The following ITPR2 variants were observed in gnomAD, a reference collection of about 807,000 sequenced individuals.
ITPR2 encodes inositol 1,4,5-trisphosphate receptor type 2.
In ITPR2, 207 loss-of-function variants were observed where a neutral mutation model predicts 317.1. The ratio of observed to expected loss-of-function variants is 0.65; its 90% CI spans 0.58 to 0.73. The LOEUF (loss-of-function observed/expected upper bound fraction) is 0.73. Among genes scored for constraint, ITPR2 ranks in the 30% least tolerant of loss-of-function variants. The pLI is 0.00. For synonymous variants in ITPR2, 1,156 were observed against 1,149.1 expected (o/e 1.01, Z -0.12); for missense variants, 2,613 against 3,284.0 (o/e 0.80, Z 4.99).
At chr12:26,392,897 T>C (rs1939890369) in intron 54 of ITPR2, among the ~76,000 whole-genome samples, 1 of 152,224 alleles carries the variant, frequency 6.6e-6, no homozygotes, top group African/African-American at 2.4e-5. Flanking sequence ...CATCTCTTTC[T>C]TACTGGATCT....
rs1016913473 is a variant in ITPR2, at chr12:26,833,098, GCTC to G, written c.-320_-318del. 313 of 316,210 alleles carry G rather than the reference GCTC, an allele frequency of 9.9e-4. No homozygotes were observed. The highest frequency in any genetic ancestry group is 1.7e-3 in the South Asian group (44 of 25,916). The allele number at this position is 316,210 out of a possible 1,614,324, so 19.6% of individuals were successfully genotyped here. On this transcript the variant is annotated 5_prime_UTR_variant, in exon 1 of 57. Transcript: ENST00000381340. The stretch of plus-strand genomic sequence containing the variant: ...CTGAAGTTTTCTCTCCAACACCTTT[GCTC>G]CTCCTCCTCCTCCTTCCCTCTCCGC...
intron 43 of ITPR2, 48 bp from the exon 44 acceptor site, chr12:26,477,055 A>AT (rs1942434332): frequency 8.4e-7 from 1 of 1,193,340 alleles, no homozygotes. Context: ...TATTTCATGG[A>AT]TTAACGATTT....
intron 13 of ITPR2, among the ~76,000 whole-genome samples, chr12:26,671,977 A>T (rs544424620): frequency 3.8e-4 from 58 of 152,188 alleles, no homozygotes; most frequent in African/African-American, 1.3e-3. Flanking sequence ...TGGTAAAGGG[A>T]TCAATTCAAC....
chr12:26,412,686 C>T (rs1447236308), intron 51 of ITPR2, among the ~76,000 whole-genome samples: 3 of 151,998 alleles, frequency 2.0e-5, no homozygotes, highest in Non-Finnish European at 4.4e-5. Context: ...GAAAAAAACC[C>T]AGAAAGCTTT....
At chr12:26,810,408 C>T (rs1451826699) in intron 1 of ITPR2, among the ~76,000 whole-genome samples, 1 of 152,186 alleles carries the variant, frequency 6.6e-6, no homozygotes, top group Non-Finnish European at 1.5e-5. Flanking sequence ...TGGGGACTCA[C>T]TATTATCCCT....
At chr12:26,818,860 T>A (rs1291289402) in intron 1 of ITPR2, among the ~76,000 whole-genome samples, 1 of 152,244 alleles carries the variant, frequency 6.6e-6, no homozygotes, top group African/African-American at 2.4e-5. Context: ...ACACAGTAAC[T>A]GTTCCTTAAA....
At chr12:26,608,423 G>T (rs1347655373) in intron 26 of ITPR2, among the ~76,000 whole-genome samples, 1 of 152,088 alleles carries the variant, frequency 6.6e-6, no homozygotes, top group African/African-American at 2.4e-5. Flanking sequence ...CGTCTGGGAA[G>T]TGAGGAGCAC....
intron 13 of ITPR2, among the ~76,000 whole-genome samples, chr12:26,675,988 T>C (rs555175491): frequency 9.8e-4 from 149 of 151,740 alleles, no homozygotes; most frequent in African/African-American, 3.5e-3. Context: ...TGAAACCCCA[T>C]CTCTACCAAA....
intron 55 of ITPR2, among the ~76,000 whole-genome samples, chr12:26,383,715 C>G (rs1591979482): frequency 6.7e-6 from 1 of 148,370 alleles, no homozygotes; most frequent in East Asian, 2.0e-4. Flanking sequence ...CCAGGATGGT[C>G]TCAATCTCCT....
intron 2 of ITPR2, among the ~76,000 whole-genome samples, chr12:26,770,598 T>A (rs1949822371): frequency 6.6e-6 from 1 of 152,188 alleles, no homozygotes; most frequent in Non-Finnish European, 1.5e-5. Flanking sequence ...GCAAGTTACT[T>A]AACTTCTCTG....
At chr12:26,417,226 C>G (rs1384775284) in intron 50 of ITPR2, among the ~76,000 whole-genome samples, 1 of 152,034 alleles carries the variant, frequency 6.6e-6, no homozygotes, top group African/African-American at 2.4e-5. Context: ...GGACTATATC[C>G]TTTTCAGAAC....
chr12:26,762,381 CA>C (rs1476122581), intron 2 of ITPR2, among the ~76,000 whole-genome samples: 2 of 152,186 alleles, frequency 1.3e-5, no homozygotes, highest in Non-Finnish European at 2.9e-5. Context: ...ATAAGACTAT[CA>C]GCAGATTTCT....
At chr12:26,362,494 A>T (rs1447683170) in intron 55 of ITPR2, among the ~76,000 whole-genome samples, 1 of 152,230 alleles carries the variant, frequency 6.6e-6, no homozygotes, top group Non-Finnish European at 1.5e-5. Flanking sequence ...AGATGCATAC[A>T]TGCAAGAATA....
chr12:26,431,162 C>T (rs1297565515), intron 48 of ITPR2, among the ~76,000 whole-genome samples: 2 of 152,178 alleles, frequency 1.3e-5, no homozygotes, highest in Non-Finnish European at 2.9e-5. Flanking sequence ...GAATTGAAAT[C>T]ACCATGAAGA....
intron 49 of ITPR2, 31 bp from the exon 50 acceptor site, chr12:26,419,244 T>C: frequency 6.3e-7 from 1 of 1,598,558 alleles, no homozygotes. Flanking sequence ...CAGATTACTG[T>C]CTTATTTATC....
chr12:26,812,340 A>G (rs1950767761), intron 1 of ITPR2, among the ~76,000 whole-genome samples: 1 of 152,114 alleles, frequency 6.6e-6, no homozygotes, highest in South Asian at 2.1e-4. Context: ...GCACTCTGGG[A>G]GGCCGAGGTG....
chr12:26,555,126 C>T (rs1003742802), intron 36 of ITPR2, among the ~76,000 whole-genome samples: 8 of 152,296 alleles, frequency 5.3e-5, no homozygotes, highest in African/African-American at 1.9e-4. Flanking sequence ...AGTATAAAAA[C>T]CCCACCTATT....
rs10687003 is a variant in ITPR2 at position 26,455,344 on chromosome 12, TAAAAAAAAAAA to T, written c.6343-11705_6343-11695del. On this transcript the variant is annotated intron_variant, in intron 45 of 56. Coordinates refer to ENST00000381340, the MANE Select transcript of ITPR2 (RefSeq NM_002223.4). ...GTTTAACTGTCTAATCAACAGCTGC[TAAAAAAAAAAA>T]AAAAAAAAAAAAAAAGGTCAGCTTT... Among the ~76,000 whole-genome samples the T allele has an allele frequency of 1.2e-3, 81 of 66,374 alleles. 1 individual carries two copies. The highest frequency in any genetic ancestry group is 4.5e-3 in the African/African-American group (77 of 16,962). 43.5% of individuals were successfully genotyped at this position (66,374 alleles called of 152,430 possible). A position where few individuals can be genotyped will look rare whatever the true frequency, so the allele number is the denominator to read the frequency against.
intron 26 of ITPR2, 41 bp downstream of exon 26, chr12:26,621,082 G>A: frequency 6.5e-7 from 1 of 1,538,538 alleles, no homozygotes; most frequent in Non-Finnish European, 8.9e-7. Flanking sequence ...TGACTTAAAA[G>A]ACATCATTGG....
Sources: allele counts gnomAD v4.1 joint callset (sites outside exome capture counted in the v4.1 genomes callset), GRCh38; gene constraint gnomAD v4.1.1; transcripts MANE v1.5; gene names NCBI Gene and HGNC (gene_info 2026-07-23, HGNC 2026-07-21).